Variants in RHBDD1 observed in about 807,000 individuals in gnomAD.
The protein encoded by RHBDD1 is rhomboid-related protein 4.
In RHBDD1, 38 loss-of-function variants were observed where a neutral mutation model predicts 36.3. That is an observed-to-expected ratio of 1.05 (90% CI 0.81 to 1.37). The LOEUF is 1.37. RHBDD1 is among the 40% of genes most tolerant of loss of function. The pLI is 0.00. For synonymous variants in RHBDD1, 151 were observed against 136.5 expected (o/e 1.11, Z -0.74); for missense variants, 393 against 377.6 (o/e 1.04, Z -0.34).
In RHBDD1 at chr2:226,908,643, A is replaced by G; in HGVS notation, c.656-179A>G. On this transcript the variant is annotated intron_variant, in intron 6 of 8. Coordinates refer to ENST00000392062, the MANE Select transcript of RHBDD1 (RefSeq NM_001167608.3). ...CACATTCTTTTCCCTGTAGGGACACACACACACTCTTTTCCAGTTAGGGCT... is the reference window on the plus strand; with the variant it reads ...CACATTCTTTTCCCTGTAGGGACACGCACACACTCTTTTCCAGTTAGGGCT... 6.5e-6 allele frequency: 4 copies of G among 617,812 alleles called. No individual in the cohort carries two copies. In the South Asian group the frequency reaches 8.0e-5, roughly 12 times the overall value. The allele number at this position is 617,812 out of a possible 1,614,324, so 38.3% of individuals were successfully genotyped here. A position where few individuals can be genotyped will look rare whatever the true frequency, so the allele number is the denominator to read the frequency against.
At chr2:226,944,297 A>G (rs1384842220) in intron 8 of RHBDD1, among the ~76,000 whole-genome samples, 4 of 152,200 alleles carry the variant, frequency 2.6e-5, no homozygotes, top group African/African-American at 9.6e-5. Flanking sequence ...ACGAAAATAA[A>G]AACATCTGCT....
At chr2:226,821,990 G>C in the RHBDD1 span, among the ~76,000 whole-genome samples, 7 of 152,042 alleles carry the variant, frequency 4.6e-5, no homozygotes, top group African/African-American at 1.7e-4. Flanking sequence ...AAGTTTCAGG[G>C]GGTTTGAATG....
intron 3 of RHBDD1, among the ~76,000 whole-genome samples, chr2:226,852,901 TTTATTATTATTATTATTATTATTA>T (rs34006366): frequency 8.0e-6 from 1 of 125,204 alleles, no homozygotes; most frequent in South Asian, 2.5e-4. Context: ...ACCTGGCTAA[TTTATTATTATTATTATTATTATTA>T]TTATTATTAT....
intron 5 of RHBDD1, among the ~76,000 whole-genome samples, chr2:226,868,506 C>G (rs1191517063): frequency 1.3e-5 from 2 of 152,186 alleles, no homozygotes; most frequent in East Asian, 3.8e-4. Context: ...CTGTCTTGTG[C>G]AACTGGAAAT....
intron 8 of RHBDD1, among the ~76,000 whole-genome samples, chr2:226,941,102 A>G (rs1247756868): frequency 6.6e-6 from 1 of 151,954 alleles, no homozygotes; most frequent in Non-Finnish European, 1.5e-5. Context: ...ATGCACCACC[A>G]TGCCCAGCAA....
At chr2:226,865,159 T>C (rs770110159) in intron 4 of RHBDD1, 33 bp downstream of exon 4, 3 of 1,510,426 alleles carry the variant, frequency 2.0e-6, no homozygotes, top group East Asian at 2.3e-5. Context: ...GTTGCATGCA[T>C]AAAGGAAGCA....
intron 8 of RHBDD1, among the ~76,000 whole-genome samples, chr2:226,915,758 G>GA (rs1339989716): frequency 6.6e-6 from 1 of 152,218 alleles, no homozygotes; most frequent in Non-Finnish European, 1.5e-5. Context: ...TGAAGGTGGA[G>GA]AAGAAGGCAT....
Position 226,978,739 on chromosome 2 carries a change from G to A in RHBDD1, c.857-16692G>A, listed in dbSNP as rs534464364. ...TGGCATCATGTGCTGTGAAGGGAGG[G>A]GATCCTGTGAGAGCTTCAGGCAAAG... On this transcript the variant is annotated intron_variant, in intron 8 of 8. Coordinates refer to ENST00000392062, the MANE Select transcript of RHBDD1 (RefSeq NM_001167608.3). 3.3e-5 allele frequency among the ~76,000 whole-genome samples: 5 copies of A among 152,288 alleles called. No homozygotes were observed. The South Asian group carries it at 8.3e-4, about 25-fold the overall frequency.
the RHBDD1 span, chr2:226,810,839 G>A: frequency 1.3e-5 from 2 of 152,060 alleles, no homozygotes; most frequent in Non-Finnish European, 2.9e-5. Flanking sequence ...TGTTACTGTT[G>A]TTTTCATTTT....
chr2:226,924,141 G>A (rs1220988960), intron 8 of RHBDD1, among the ~76,000 whole-genome samples: 1 of 152,132 alleles, frequency 6.6e-6, no homozygotes. Flanking sequence ...GCATGTCTCT[G>A]AGTCTCACCC....
At chr2:226,801,501 G>A in the RHBDD1 span, among the ~76,000 whole-genome samples, 2 of 152,172 alleles carry the variant, frequency 1.3e-5, no homozygotes, top group Admixed American at 1.3e-4. Flanking sequence ...CCCAAGCCTG[G>A]GAGCCTCTCG....
At chr2:226,805,877 C>G in the RHBDD1 span, among the ~76,000 whole-genome samples, 3 of 152,172 alleles carry the variant, frequency 2.0e-5, no homozygotes, top group African/African-American at 7.2e-5. Context: ...CCCTCTCATT[C>G]TTCTCACATC....
chr2:226,968,754 A>G (rs1315701646), intron 8 of RHBDD1, among the ~76,000 whole-genome samples: 1 of 152,190 alleles, frequency 6.6e-6, no homozygotes, highest in Non-Finnish European at 1.5e-5. Context: ...AAATTAGCCA[A>G]AGGAAACAAT....
chr2:226,975,588 C>T (rs1954424317), intron 8 of RHBDD1, among the ~76,000 whole-genome samples: 1 of 152,072 alleles, frequency 6.6e-6, no homozygotes, highest in Admixed American at 6.6e-5. Context: ...CAGTTTGGTA[C>T]AGAAGAGGGG....
chr2:226,882,815 C>A (rs1197461511), intron 5 of RHBDD1, among the ~76,000 whole-genome samples: 1 of 152,286 alleles, frequency 6.6e-6, no homozygotes, highest in East Asian at 1.9e-4. Flanking sequence ...ATTTCTCACA[C>A]TTCTGGAGGC....
chr2:226,859,120 T>C (rs1943600568), intron 3 of RHBDD1, among the ~76,000 whole-genome samples: 1 of 152,212 alleles, frequency 6.6e-6, no homozygotes, highest in Non-Finnish European at 1.5e-5. Context: ...ATCAGTTTCA[T>C]TTATCATATA....
At chr2:226,990,070 TTTAAG>T (rs1957839586) in intron 8 of RHBDD1, among the ~76,000 whole-genome samples, 1 of 152,218 alleles carries the variant, frequency 6.6e-6, no homozygotes, top group African/African-American at 2.4e-5. Flanking sequence ...GTTATACCAT[TTTAAG>T]TTAATTTCAC....
At chr2:226,931,810 T>G (rs1348426350) in intron 8 of RHBDD1, among the ~76,000 whole-genome samples, 2 of 152,102 alleles carry the variant, frequency 1.3e-5, no homozygotes, top group Non-Finnish European at 2.9e-5. Context: ...AAAATTACTT[T>G]GGGTATTCTA....
intron 8 of RHBDD1, among the ~76,000 whole-genome samples, chr2:226,978,973 C>A (rs1955090648): frequency 6.6e-6 from 1 of 152,038 alleles, no homozygotes; most frequent in Non-Finnish European, 1.5e-5. Context: ...GGACAGAAAC[C>A]AATAGGATGT....
Sources: gnomAD v4.1 joint callset for allele counts (sites outside exome capture counted in the v4.1 genomes callset) on GRCh38, gnomAD v4.1.1 for gene constraint, MANE v1.5 for transcripts, NCBI Gene and HGNC (gene_info 2026-07-23, HGNC 2026-07-21) for gene names.